The following AREL1 variants were observed in gnomAD, a reference collection of about 807,000 sequenced individuals.
AREL1 encodes apoptosis-resistant E3 ubiquitin protein ligase 1.
Under a neutral mutation model 99.0 loss-of-function variants are expected in AREL1, and 62 were observed. The ratio of observed to expected loss-of-function variants is 0.63; its 90% CI spans 0.51 to 0.77. AREL1 has a LOEUF of 0.77. AREL1 is among the 30% of genes least tolerant of loss of function. AREL1 has a pLI of 0.00. For missense variants in AREL1, 879 were observed against 1,027.6 expected (o/e 0.86, Z 1.98); for synonymous variants, 380 against 376.5 (o/e 1.01, Z -0.11).
intron 1 of AREL1, chr14:74,698,819 T>C (rs761962522): frequency 5.0e-5 from 12 of 242,100 alleles, no homozygotes; most frequent in Non-Finnish European, 9.7e-5. Context: ...CGCCCAGGAG[T>C]TCAAGACCAA....
At chr14:74,711,119 T>C (rs531055673) in intron 1 of AREL1, among the ~76,000 whole-genome samples, 1 of 151,756 alleles carries the variant, frequency 6.6e-6, no homozygotes, top group South Asian at 2.1e-4. Context: ...TAATCCCAGC[T>C]ACTCAGGAGG....
rs761377462 is a variant in AREL1 at position 74,675,813 on chromosome 14, G to A, written c.966C>T (p.Ser322=). The A allele has an allele frequency of 5.6e-6, 9 of 1,614,046 alleles. No individual in the cohort carries two copies. Among genetic ancestry groups the A allele is most frequent in the Non-Finnish European group, 7.6e-6 (9 of 1,180,048 alleles). The change falls in exon 8 of 20, where the codon TCC becomes TCT. Residue 322 remains serine, a synonymous_variant. Transcript: ENST00000356357. ...WHLPPMHMTS[S]QRRPSTAVDE... ...CAACAGCAGTGGATGGCCGGCGCTG[G>A]GAAGAGGTCATGTGCATGGGTGGCA...
chr14:74,694,059 C>T (rs2089933676), intron 1 of AREL1, among the ~76,000 whole-genome samples: 1 of 152,120 alleles, frequency 6.6e-6, no homozygotes, highest in Non-Finnish European at 1.5e-5. Flanking sequence ...CGCCTGTGGT[C>T]CCAGTTACTT....
At chr14:74,681,136 T>C (rs1390420208) in intron 5 of AREL1, among the ~76,000 whole-genome samples, 1 of 152,072 alleles carries the variant, frequency 6.6e-6, no homozygotes. Context: ...CAGTGAGCCA[T>C]GATCCTGCCA....
intron 18 of AREL1, 78 bp from the exon 19 acceptor site, chr14:74,664,152 C>T: frequency 6.7e-7 from 1 of 1,494,240 alleles, no homozygotes; most frequent in Non-Finnish European, 9.0e-7. Flanking sequence ...GAACAAGATA[C>T]ACTAAAGTGG....
chr14:74,679,385 G>C (rs1358267682), intron 5 of AREL1, among the ~76,000 whole-genome samples: 1 of 152,110 alleles, frequency 6.6e-6, no homozygotes, highest in East Asian at 1.9e-4. Flanking sequence ...CTATGCTACT[G>C]CACGCCATCA....
chr14:74,678,683 G>C (rs2089551427), intron 5 of AREL1, among the ~76,000 whole-genome samples: 1 of 79,068 alleles, frequency 1.3e-5, no homozygotes, highest in Non-Finnish European at 2.3e-5. Context: ...CTGGAGTAAA[G>C]ACATGTATAA....
At chr14:74,698,813 C>T (rs529754352) in intron 1 of AREL1, 17 of 256,988 alleles carry the variant, frequency 6.6e-5, no homozygotes, top group South Asian at 5.3e-4. Flanking sequence ...GGCTTGCGCC[C>T]AGGAGTTCAA....
intron 5 of AREL1, among the ~76,000 whole-genome samples, chr14:74,681,832 G>C (rs2089636470): frequency 6.6e-6 from 1 of 151,586 alleles, no homozygotes; most frequent in African/African-American, 2.4e-5. Context: ...GCTGTAAAAG[G>C]GCAACATAAG....
chr14:74,707,913 C>T (rs1594773106), intron 1 of AREL1, among the ~76,000 whole-genome samples: 1 of 148,814 alleles, frequency 6.7e-6, no homozygotes, highest in African/African-American at 2.5e-5. Context: ...GCCGAGATGG[C>T]GCCACTGCAC....
chr14:74,700,349 T>C (rs1407380453), intron 1 of AREL1, among the ~76,000 whole-genome samples: 1 of 151,906 alleles, frequency 6.6e-6, no homozygotes, highest in Non-Finnish European at 1.5e-5. Context: ...AGTGAAGGAG[T>C]CAAGCAATGT....
At chr14:74,673,023 C>T (rs1287946035) in intron 10 of AREL1, 54 bp downstream of exon 10, 3 of 1,613,972 alleles carry the variant, frequency 1.9e-6, no homozygotes, top group Non-Finnish European at 2.5e-6. Flanking sequence ...TCTCCACCCT[C>T]ATGGATGTGG....
chr14:74,699,334 A>T (rs1008516076), intron 1 of AREL1, among the ~76,000 whole-genome samples: 1 of 149,542 alleles, frequency 6.7e-6, no homozygotes, highest in Non-Finnish European at 1.5e-5. Flanking sequence ...GTCCCAGTCT[A>T]AGTGACAGTG....
rs2089687987 is a variant in AREL1, at chr14:74,683,781, C to G, written c.244-248G>C. ...CAGAGGACAAGGGTAGAATTTACCA[C>G]TAAATCAAGAAAATGTCCATTTTAA... On this transcript the variant is annotated intron_variant, in intron 4 of 19. Coordinates refer to ENST00000356357, the MANE Select transcript of AREL1 (RefSeq NM_001039479.2). Among the ~76,000 whole-genome samples, 3 of 152,186 alleles carry G rather than the reference C, an allele frequency of 2.0e-5. No homozygotes were observed. The South Asian group carries it at 6.2e-4, about 32-fold the overall frequency.
intron 17 of AREL1, 95 bp downstream of exon 17, chr14:74,667,224 C>T: frequency 1.4e-6 from 2 of 1,450,822 alleles, no homozygotes; most frequent in South Asian, 1.2e-5. Context: ...AATGGCTTTC[C>T]AGCTGCATCT....
In AREL1 at chr14:74,684,058, G is replaced by A. The variant is rs116234991; in HGVS notation, c.243+396C>T. Among the ~76,000 whole-genome samples, 1,384 of 152,216 alleles carry A rather than the reference G, an allele frequency of 9.1e-3. 20 individuals carry two copies. The highest frequency in any genetic ancestry group is 0.032 in the African/African-American group (1,321 of 41,520). On this transcript the variant is annotated intron_variant, in intron 4 of 19. Transcript: ENST00000356357. ...AGTAAATATTTTGGCTTTGTGGACC[G>A]TACACAACTACTCAACTGTCATAAC...
At chr14:74,685,134 G>A (rs1484779124) in intron 3 of AREL1, among the ~76,000 whole-genome samples, 1 of 152,194 alleles carries the variant, frequency 6.6e-6, no homozygotes, top group Non-Finnish European at 1.5e-5. Context: ...GCACCCCACA[G>A]AAGCAGTCAA....
At chr14:74,694,332 A>G (rs994552286) in intron 1 of AREL1, among the ~76,000 whole-genome samples, 4 of 152,224 alleles carry the variant, frequency 2.6e-5, no homozygotes, top group African/African-American at 9.6e-5. Context: ...AGAATACTAT[A>G]TAAGGAATTT....
intron 1 of AREL1, among the ~76,000 whole-genome samples, chr14:74,696,959 G>C (rs138467492): frequency 6.6e-6 from 1 of 151,980 alleles, no homozygotes; most frequent in Non-Finnish European, 1.5e-5. Context: ...GCAAGACTTC[G>C]TCTCAAAAAA....
Sources: gnomAD v4.1 joint callset for allele counts (sites outside exome capture counted in the v4.1 genomes callset) on GRCh38, gnomAD v4.1.1 for gene constraint, MANE v1.5 for transcripts, NCBI Gene and HGNC (gene_info 2026-07-23, HGNC 2026-07-21) for gene names.